Variants in SEMA5A observed in about 807,000 individuals in gnomAD.
SEMA5A encodes the protein semaphorin 5A.
A neutral mutation model predicts 135.5 loss-of-function variants in SEMA5A; 55 were observed. The ratio of observed to expected loss-of-function variants is 0.41; its 90% confidence interval spans 0.33 to 0.51. The LOEUF (loss-of-function observed/expected upper bound fraction) is 0.51, where lower values mean the gene tolerates loss of function less well. Among genes scored for constraint, SEMA5A ranks in the 20% least tolerant of loss-of-function variants. SEMA5A has a pLI of 0.37. For synonymous variants in SEMA5A, 580 were observed against 546.5 expected (o/e 1.06, Z -0.85); for missense variants, 1,290 against 1,419.9 (o/e 0.91, Z 1.47).
chr5:9,170,068 T>C (rs143400561), intron 11 of SEMA5A, among the ~76,000 whole-genome samples: 1 of 152,258 alleles, frequency 6.6e-6, no homozygotes, highest in Non-Finnish European at 1.5e-5. Context: ...TGAGCCACAG[T>C]TAATGGTGCA....
intron 5 of SEMA5A, among the ~76,000 whole-genome samples, chr5:9,307,780 T>G (rs1490536353): frequency 1.3e-5 from 2 of 152,166 alleles, no homozygotes; most frequent in African/African-American, 4.8e-5. Flanking sequence ...AAATGCATTT[T>G]AGATAAATGA....
intron 12 of SEMA5A, among the ~76,000 whole-genome samples, chr5:9,139,602 T>C (rs138695381): frequency 7.9e-4 from 120 of 152,374 alleles, no homozygotes; most frequent in Non-Finnish European, 1.2e-3. Flanking sequence ...TTGATCTCTT[T>C]CATGAGTCAT....
rs1805999 is a variant in SEMA5A at position 9,245,781 on chromosome 5, C to T, written c.271-7891G>A. Among the ~76,000 whole-genome samples the T allele has an allele frequency of 9.9e-3, 1,501 of 152,268 alleles. 28 individuals carry two copies. The highest frequency in any genetic ancestry group is 0.035 in the African/African-American group (1,448 of 41,532). On this transcript the variant is annotated intron_variant, in intron 5 of 22. Coordinates refer to ENST00000382496, the MANE Select transcript of SEMA5A (RefSeq NM_003966.3). The stretch of plus-strand genomic sequence containing the variant: ...ATTAAAGCAATATAATATCTCAAAT[C>T]TCAGAAGCACCTCTAGAATCTGAGG...
intron 6 of SEMA5A, among the ~76,000 whole-genome samples, chr5:9,235,630 T>G (rs1747866148): frequency 6.6e-6 from 1 of 152,008 alleles, no homozygotes; most frequent in Non-Finnish European, 1.5e-5. Context: ...CCCTCAGGTC[T>G]GGGCTATCAG....
intron 11 of SEMA5A, among the ~76,000 whole-genome samples, chr5:9,185,886 G>A (rs1436641021): frequency 2.0e-5 from 3 of 152,188 alleles, no homozygotes; most frequent in Non-Finnish European, 2.9e-5. Flanking sequence ...GCCCAGAGCG[G>A]CAGCCACATG....
intron 16 of SEMA5A, among the ~76,000 whole-genome samples, chr5:9,088,637 A>ATATATATATATATAT: frequency 7.1e-4 from 77 of 107,968 alleles, no homozygotes; most frequent in African/African-American, 2.7e-3. Flanking sequence ...CTACATTTAT[A>ATATATATATATATAT]ATATATATAT....
At chr5:9,440,720 T>A (rs1278040573) in intron 1 of SEMA5A, among the ~76,000 whole-genome samples, 1 of 152,242 alleles carries the variant, frequency 6.6e-6, no homozygotes, top group African/African-American at 2.4e-5. Context: ...AGCACATGAC[T>A]TTCTGCTAAA....
At chr5:9,364,893 A>G (rs1057298493) in intron 3 of SEMA5A, among the ~76,000 whole-genome samples, 1 of 152,248 alleles carries the variant, frequency 6.6e-6, no homozygotes, top group Non-Finnish European at 1.5e-5. Flanking sequence ...TTTGTATCTC[A>G]GAATTGATTG....
At chr5:9,538,371 G>C (rs1737894071) in intron 1 of SEMA5A, among the ~76,000 whole-genome samples, 1 of 152,100 alleles carries the variant, frequency 6.6e-6, no homozygotes, top group Admixed American at 6.5e-5. Context: ...GCTGTTAGAA[G>C]TTACCTGCCA....
chr5:9,453,447 C>T (rs1220977409), intron 1 of SEMA5A, among the ~76,000 whole-genome samples: 5 of 152,234 alleles, frequency 3.3e-5, no homozygotes, highest in African/African-American at 9.6e-5. Context: ...TTTAAAATGG[C>T]CCCAAGCATA....
chr5:9,277,613 C>G (rs1053028700), intron 5 of SEMA5A, among the ~76,000 whole-genome samples: 2 of 152,140 alleles, frequency 1.3e-5, no homozygotes, highest in African/African-American at 4.8e-5. Flanking sequence ...GGCACATATA[C>G]ACCATGGAAT....
chr5:9,148,477 G>A (rs11739714), intron 12 of SEMA5A, among the ~76,000 whole-genome samples: 44,495 of 152,034 alleles, frequency 0.29, 6,623 homozygotes, highest in Non-Finnish European at 0.32. Context: ...GTCCTGGAAC[G>A]CGGGAGGATT....
At chr5:9,293,033 T>G (rs867392011) in intron 5 of SEMA5A, among the ~76,000 whole-genome samples, 1 of 152,206 alleles carries the variant, frequency 6.6e-6, no homozygotes, top group African/African-American at 2.4e-5. Flanking sequence ...TCATCCTTTC[T>G]TGTGGTCATC....
intron 2 of SEMA5A, among the ~76,000 whole-genome samples, chr5:9,419,823 C>T (rs544067237): frequency 5.9e-5 from 9 of 152,162 alleles, no homozygotes; most frequent in East Asian, 5.8e-4. Context: ...ATCAACACAA[C>T]GAATAACCAA....
At chr5:9,103,548 C>T (rs894422620) in intron 16 of SEMA5A, among the ~76,000 whole-genome samples, 2 of 152,224 alleles carry the variant, frequency 1.3e-5, no homozygotes, top group African/African-American at 4.8e-5. Context: ...AAATATCTCC[C>T]CTGTGCTCCC....
chr5:9,206,025 G>A (rs1806062), intron 8 of SEMA5A, among the ~76,000 whole-genome samples: 1,535 of 152,290 alleles, frequency 0.01, 35 homozygotes, highest in African/African-American at 0.035. Flanking sequence ...TGCCAGGCAG[G>A]ATGATAAGAT....
chr5:9,185,175 G>A (rs1276847984), intron 11 of SEMA5A, among the ~76,000 whole-genome samples: 1 of 152,130 alleles, frequency 6.6e-6, no homozygotes, highest in Admixed American at 6.5e-5. Context: ...TGATTCTCCT[G>A]TTTTGTCCTC....
At chr5:9,235,806 G>C (rs1747876965) in intron 6 of SEMA5A, among the ~76,000 whole-genome samples, 1 of 152,154 alleles carries the variant, frequency 6.6e-6, no homozygotes, top group South Asian at 2.1e-4. Flanking sequence ...AAGACAAGAA[G>C]AAAGAGTTGA....
intron 1 of SEMA5A, among the ~76,000 whole-genome samples, chr5:9,532,440 C>CTTTTTTTTTTTTTTTTT (rs4045370): frequency 8.0e-6 from 1 of 125,146 alleles, no homozygotes; most frequent in Non-Finnish European, 1.6e-5. Context: ...TAATTTTTTT[C>CTTTTTTTTTTTTTTTTT]TTTTTTTTTT....
Sources: gnomAD v4.1 joint callset for allele counts (sites outside exome capture counted in the v4.1 genomes callset) on GRCh38, gnomAD v4.1.1 for gene constraint, MANE v1.5 for transcripts, NCBI Gene and HGNC (gene_info 2026-07-23, HGNC 2026-07-21) for gene names.